Variants in GNAL observed in about 807,000 individuals in gnomAD.
The protein encoded by GNAL is guanine nucleotide-binding protein G(olf) subunit alpha.
A neutral mutation model predicts 55.1 loss-of-function variants in GNAL; 18 were observed. The observed-to-expected ratio is 0.33, with a 90% CI of 0.23 to 0.48. The LOEUF (loss-of-function observed/expected upper bound fraction) is 0.48. Among genes scored for constraint, GNAL ranks in the 20% least tolerant of loss-of-function variants. The pLI is 0.99. For missense variants in GNAL, 412 were observed against 614.1 expected (o/e 0.67, Z 3.48); for synonymous variants, 253 against 237.0 (o/e 1.07, Z -0.62).
intron 5 of GNAL, among the ~76,000 whole-genome samples, chr18:11,837,973 T>TA (rs1351206324): frequency 2.0e-5 from 3 of 151,922 alleles, no homozygotes; most frequent in Non-Finnish European, 4.4e-5. Flanking sequence ...AATCCCTTCT[T>TA]ACGAAAAATT....
chr18:11,813,846 C>G (rs1192088294), intron 4 of GNAL, among the ~76,000 whole-genome samples: 3 of 151,952 alleles, frequency 2.0e-5, no homozygotes, highest in African/African-American at 7.3e-5. Flanking sequence ...CCACTGCACT[C>G]CAGCCTGGGG....
intron 4 of GNAL, among the ~76,000 whole-genome samples, chr18:11,814,276 A>T (rs567200056): frequency 6.6e-6 from 1 of 152,274 alleles, no homozygotes; most frequent in South Asian, 2.1e-4. Flanking sequence ...TGGAATCCCA[A>T]CACTTTGGGA....
intron 4 of GNAL, among the ~76,000 whole-genome samples, chr18:11,766,662 G>C (rs972797049): frequency 6.6e-6 from 1 of 152,228 alleles, no homozygotes; most frequent in African/African-American, 2.4e-5. Context: ...GAATTGCCAA[G>C]TAAATGTTTT....
At chr18:11,725,922 A>G (rs2032201742) in intron 1 of GNAL, among the ~76,000 whole-genome samples, 1 of 152,230 alleles carries the variant, frequency 6.6e-6, no homozygotes, top group African/African-American at 2.4e-5. Flanking sequence ...GTTCCTCCAC[A>G]TCCTCACCAG....
chr18:11,841,778 G>A (rs1431310408), intron 5 of GNAL, among the ~76,000 whole-genome samples: 2 of 152,090 alleles, frequency 1.3e-5, no homozygotes, highest in Non-Finnish European at 2.9e-5. Flanking sequence ...GAAATTCTGG[G>A]GAAGATAAAA....
Position 11,689,538 on chromosome 18 carries a change from C to CGCCGCCCCCGCTGT in GNAL, c.-20_-7dup. On this transcript the variant is annotated 5_prime_UTR_variant, in exon 1 of 12. Coordinates refer to ENST00000334049, the MANE Select transcript of GNAL (RefSeq NM_182978.4). ...GCGCCCAGCCTGCCCTAGTCCCGCG[C>CGCCGCCCCCGCTGT]GCCGCCCCCGCTGTGCCGCGCCCAC... 2 of 1,157,504 alleles carry CGCCGCCCCCGCTGT rather than the reference C, an allele frequency of 1.7e-6. No homozygotes were observed. Among genetic ancestry groups the CGCCGCCCCCGCTGT allele is most frequent in the Non-Finnish European group, 2.2e-6 (2 of 916,740 alleles). The allele number at this position is 1,157,504 out of a possible 1,614,324, so 71.7% of individuals were successfully genotyped here.
Position 11,885,594 on chromosome 18 carries a change from A to C in GNAL, c.*4459A>C. On this transcript the variant is annotated 3_prime_UTR_variant, in exon 12 of 12. Transcript: ENST00000334049. The stretch of plus-strand genomic sequence containing the variant: ...GTGTGGCTTTTGTAAATTTTGACCG[A>C]TTGCAGCAATTAAATAGTTGATTAC... The C allele has an allele frequency of 6.6e-7, 1 of 1,505,436 alleles. No individual in the cohort carries two copies. The highest frequency in any genetic ancestry group is 9.1e-7 in the Non-Finnish European group (1 of 1,103,452). The allele number at this position is 1,505,436 out of a possible 1,614,324, so 93.3% of individuals were successfully genotyped here. A position where few individuals can be genotyped will look rare whatever the true frequency, so the allele number is the denominator to read the frequency against.
At chr18:11,801,435 C>A (rs2034519625) in intron 4 of GNAL, among the ~76,000 whole-genome samples, 1 of 152,116 alleles carries the variant, frequency 6.6e-6, no homozygotes, top group Non-Finnish European at 1.5e-5. Flanking sequence ...CATCTGCAGT[C>A]CTAGCAACTA....
At chr18:11,754,685 C>G (rs149040866) in intron 4 of GNAL, among the ~76,000 whole-genome samples, 98 of 152,220 alleles carry the variant, frequency 6.4e-4, no homozygotes, top group Non-Finnish European at 1.2e-3. Flanking sequence ...AGATGCACAG[C>G]CTTCAGATCA....
At chr18:11,710,229 A>G (rs2031803742) in intron 1 of GNAL, among the ~76,000 whole-genome samples, 1 of 152,132 alleles carries the variant, frequency 6.6e-6, no homozygotes, top group Non-Finnish European at 1.5e-5. Context: ...CCTCAGGAAT[A>G]TTAGCCTATA....
At chr18:11,744,047 T>C (rs2032636563) in intron 1 of GNAL, among the ~76,000 whole-genome samples, 1 of 152,206 alleles carries the variant, frequency 6.6e-6, no homozygotes, top group Non-Finnish European at 1.5e-5. Context: ...TCAATGGCCT[T>C]TCCACCTTCT....
intron 4 of GNAL, among the ~76,000 whole-genome samples, chr18:11,791,784 A>G (rs1225846036): frequency 6.6e-6 from 1 of 152,146 alleles, no homozygotes; most frequent in African/African-American, 2.4e-5. Context: ...GTAGGACACA[A>G]AGGACTTCGG....
In GNAL at chr18:11,752,280, G is replaced by T. The variant is rs534561697; in HGVS notation, c.377-573G>T. On this transcript the variant is annotated intron_variant, in intron 1 of 11. Coordinates refer to ENST00000334049, the MANE Select transcript of GNAL (RefSeq NM_182978.4). The surrounding 1 kb of genome is among the most constrained non-coding windows in gnomAD (Gnocchi z 4.5). Reference sequence around the variant, plus strand: ...GTGGGCAGGGGGAGGGAGAAGAAACGCCTGCTCTGAATCGGAAAACACCGA... The same window carrying T: ...GTGGGCAGGGGGAGGGAGAAGAAACTCCTGCTCTGAATCGGAAAACACCGA... The T allele has an allele frequency of 7.1e-7, 1 of 1,415,592 alleles. No homozygotes were observed. Among genetic ancestry groups the T allele is most frequent in the Admixed American group, 3.2e-5 (1 of 31,204 alleles). 87.7% of individuals were successfully genotyped at this position (1,415,592 alleles called of 1,614,324 possible).
chr18:11,695,975 G>C (rs963956737), intron 1 of GNAL, among the ~76,000 whole-genome samples: 3 of 151,946 alleles, frequency 2.0e-5, no homozygotes, highest in African/African-American at 7.3e-5. Context: ...CAGAAGGAAT[G>C]TTCTCCACTC....
At chr18:11,872,427 T>G in intron 10 of GNAL, 29 bp downstream of exon 10, 2 of 1,422,158 alleles carry the variant, frequency 1.4e-6, no homozygotes, top group Non-Finnish European at 1.9e-6. Flanking sequence ...TTCTTATGAT[T>G]GAGGAATAGA....
In GNAL at chr18:11,823,891, T is replaced by C. The variant is rs114591265; in HGVS notation, c.625-1027T>C. Among the ~76,000 whole-genome samples the C allele has an allele frequency of 6.6e-3, 1,004 of 152,328 alleles. 12 individuals are homozygous for C. Among genetic ancestry groups the C allele is most frequent in the African/African-American group, 0.023 (955 of 41,566 alleles). ...CATTTGCTTCCATAGCCGTTTTGGG[T>C]AATATTACCAATATGAACTCATAAG... On this transcript the variant is annotated intron_variant, in intron 4 of 11. Transcript: ENST00000334049.
intron 1 of GNAL, among the ~76,000 whole-genome samples, chr18:11,698,508 A>T (rs2031477112): frequency 6.6e-6 from 1 of 150,840 alleles, no homozygotes; most frequent in Non-Finnish European, 1.5e-5. Context: ...AAAAAAAAAA[A>T]TAGAGGGCTG....
chr18:11,869,524 A>G (rs987758699), intron 9 of GNAL, among the ~76,000 whole-genome samples: 1 of 152,204 alleles, frequency 6.6e-6, no homozygotes, highest in Non-Finnish European at 1.5e-5. Context: ...CTAAGATTAT[A>G]TTCGGCCTTC....
chr18:11,776,126 A>T (rs996220783), intron 4 of GNAL, among the ~76,000 whole-genome samples: 2 of 152,114 alleles, frequency 1.3e-5, no homozygotes, highest in Admixed American at 6.5e-5. Flanking sequence ...GCTCAATATG[A>T]CCTTGCGAGT....
Sources: allele counts gnomAD v4.1 joint callset (sites outside exome capture counted in the v4.1 genomes callset), GRCh38; gene constraint gnomAD v4.1.1; non-coding constraint Gnocchi (gnomAD v3.1); transcripts MANE v1.5; gene names NCBI Gene and HGNC (gene_info 2026-07-23, HGNC 2026-07-21).